GALNT13: variants seen among roughly 807,000 people sequenced by gnomAD.
GALNT13 encodes the protein polypeptide N-acetylgalactosaminyltransferase 13.
Under a neutral mutation model 64.2 loss-of-function variants are expected in GALNT13, and 28 were observed. The observed-to-expected ratio is 0.44, with a 90% CI of 0.32 to 0.60. GALNT13 has a LOEUF of 0.60. Ranked by LOEUF, GALNT13 falls within the 20% of genes least tolerant of loss-of-function variation. GALNT13 has a pLI of 0.05. For missense variants in GALNT13, 577 were observed against 669.8 expected, an observed-to-expected ratio of 0.86 and a Z score of 1.53; for synonymous variants, 214 against 224.6, an observed-to-expected ratio of 0.95 and a Z score of 0.42.
At chr2:153,568,596 T>A in the GALNT13 span, among the ~76,000 whole-genome samples, 1 of 152,200 alleles carries the variant, frequency 6.6e-6, no homozygotes, top group Non-Finnish European at 1.5e-5. Flanking sequence ...TTTTTTAATA[T>A]ACTCATTTTA....
intron 4 of GALNT13, among the ~76,000 whole-genome samples, chr2:154,163,929 T>A (rs1161484385): frequency 6.6e-6 from 1 of 152,158 alleles, no homozygotes; most frequent in African/African-American, 2.4e-5. Flanking sequence ...AAAATAATAG[T>A]ATTGACTTTG....
At chr2:153,328,840 T>G in the GALNT13 span, among the ~76,000 whole-genome samples, 1 of 151,822 alleles carries the variant, frequency 6.6e-6, no homozygotes, top group Non-Finnish European at 1.5e-5. Flanking sequence ...GCATTTCAGG[T>G]GCCACTGGGG....
At chr2:154,289,692 A>T (rs1574026225) in intron 8 of GALNT13, among the ~76,000 whole-genome samples, 1 of 152,344 alleles carries the variant, frequency 6.6e-6, no homozygotes, top group East Asian at 1.9e-4. Context: ...AAGCATATCA[A>T]TCCCCAAGAA....
chr2:154,032,061 T>C (rs762050220), intron 3 of GALNT13, among the ~76,000 whole-genome samples: 75 of 151,930 alleles, frequency 4.9e-4, no homozygotes, highest in Non-Finnish European at 8.2e-4. Flanking sequence ...CATCCTAAGA[T>C]ACTATAAAAG....
At chr2:153,267,623 T>C in the GALNT13 span, among the ~76,000 whole-genome samples, 1 of 152,186 alleles carries the variant, frequency 6.6e-6, no homozygotes, top group Non-Finnish European at 1.5e-5. Context: ...GGGGCCATGC[T>C]CCAGATACAT....
intron 8 of GALNT13, chr2:154,287,265 A>G: frequency 1.2e-6 from 1 of 808,002 alleles, no homozygotes; most frequent in South Asian, 1.4e-5. Context: ...GGCAACTCCA[A>G]GACAGCAGAG....
At chr2:153,209,476 A>G in the GALNT13 span, among the ~76,000 whole-genome samples, 3 of 152,268 alleles carry the variant, frequency 2.0e-5, no homozygotes, top group South Asian at 6.2e-4. Flanking sequence ...AACTTTACTG[A>G]TCATGTATGT....
At chr2:153,470,971 T>A in the GALNT13 span, among the ~76,000 whole-genome samples, 1 of 152,212 alleles carries the variant, frequency 6.6e-6, no homozygotes, top group Non-Finnish European at 1.5e-5. Context: ...TGGAGCACTT[T>A]CTTCAGGCCT....
chr2:154,010,047 T>C (rs1156466503), intron 3 of GALNT13, among the ~76,000 whole-genome samples: 1 of 152,148 alleles, frequency 6.6e-6, no homozygotes, highest in East Asian at 1.9e-4. Context: ...TTTAATCAAA[T>C]TTAGGAGCTA....
At chr2:153,866,793 G>T in the GALNT13 span, among the ~76,000 whole-genome samples, 1 of 152,118 alleles carries the variant, frequency 6.6e-6, no homozygotes, top group Non-Finnish European at 1.5e-5. Context: ...TTTACTGATT[G>T]TGACATTTTA....
the GALNT13 span, among the ~76,000 whole-genome samples, chr2:153,126,728 T>C: frequency 6.6e-6 from 1 of 152,168 alleles, no homozygotes; most frequent in African/African-American, 2.4e-5. Context: ...TAGAACCTCT[T>C]GAAGTTTGAA....
chr2:153,832,226 C>G, the GALNT13 span, among the ~76,000 whole-genome samples: 1 of 151,978 alleles, frequency 6.6e-6, no homozygotes, highest in South Asian at 2.1e-4. Flanking sequence ...TGGAGACTAA[C>G]AAAGGACAAG....
chr2:153,718,196 T>C, the GALNT13 span, among the ~76,000 whole-genome samples: 2,925 of 152,018 alleles, frequency 0.019, 78 homozygotes, highest in East Asian at 0.13. Context: ...ACCAAAAACA[T>C]GCTTAAAAAA....
At chr2:153,780,214 GATATATATATATATATATAT>G in the GALNT13 span, among the ~76,000 whole-genome samples, 1,545 of 128,042 alleles carry the variant, frequency 0.012, 61 homozygotes, top group African/African-American at 0.04. Flanking sequence ...AGAATTTGAA[GATATATATATATATATATAT>G]ATATATATAT....
upstream of GALNT13, among the ~76,000 whole-genome samples, chr2:153,868,509 A>T (rs369484922): frequency 1.3e-5 from 2 of 152,168 alleles, no homozygotes; most frequent in South Asian, 2.1e-4. Context: ...CTACTCATCC[A>T]ATCTTAATCT....
intron 4 of GALNT13, among the ~76,000 whole-genome samples, chr2:154,206,834 A>G (rs1474186737): frequency 6.6e-6 from 1 of 151,866 alleles, no homozygotes; most frequent in Admixed American, 6.6e-5. Flanking sequence ...TTGAGAGGTT[A>G]AGGAATAAGT....
chr2:153,445,504 G>T, the GALNT13 span, among the ~76,000 whole-genome samples: 1 of 151,952 alleles, frequency 6.6e-6, no homozygotes, highest in Non-Finnish European at 1.5e-5. Context: ...CAGCCTCCAG[G>T]GTAGCTGGGA....
At chr2:154,150,058 G>T (rs888358407) in intron 4 of GALNT13, among the ~76,000 whole-genome samples, 1 of 152,176 alleles carries the variant, frequency 6.6e-6, no homozygotes, top group Non-Finnish European at 1.5e-5. Context: ...GATATTCGCT[G>T]TGGGTTTGTC....
the GALNT13 span, among the ~76,000 whole-genome samples, chr2:153,165,062 A>C: frequency 2.6e-5 from 4 of 152,218 alleles, no homozygotes; most frequent in African/African-American, 9.6e-5. Flanking sequence ...TCTGACCTGC[A>C]TATAAGCCTT....
Sources: gnomAD v4.1 joint callset for allele counts (sites outside exome capture counted in the v4.1 genomes callset) on GRCh38, gnomAD v4.1.1 for gene constraint, MANE v1.5 for transcripts, NCBI Gene and HGNC (gene_info 2026-07-23, HGNC 2026-07-21) for gene names.